CEP57: variants seen among roughly 807,000 people sequenced by gnomAD.
CEP57 encodes centrosomal protein of 57 kDa.
In CEP57, 40 loss-of-function variants were observed where a neutral mutation model predicts 68.0. The observed-to-expected ratio is 0.59, with a 90% confidence interval of 0.46 to 0.77. CEP57 has a LOEUF of 0.77. CEP57 is among the 30% of genes least tolerant of loss of function. CEP57 has a pLI of 0.00. For synonymous variants in CEP57, 219 were observed against 198.7 expected, an observed-to-expected ratio of 1.10 and a Z score of -0.86; for missense variants, 606 against 580.7, an observed-to-expected ratio of 1.04 and a Z score of -0.45.
chr11:95,821,212 G>GTT (rs1182532040), intron 6 of CEP57, among the ~76,000 whole-genome samples: 1 of 152,024 alleles, frequency 6.6e-6, no homozygotes, highest in Non-Finnish European at 1.5e-5. Context: ...GTTTTGTTTT[G>GTT]TTTTGTTTTT....
intron 2 of CEP57, among the ~76,000 whole-genome samples, chr11:95,806,720 G>A (rs1037832210): frequency 8.5e-5 from 13 of 152,210 alleles, no homozygotes; most frequent in Non-Finnish European, 1.9e-4. Flanking sequence ...ACAGCGGTCT[G>A]GAAGCTCAAA....
At chr11:95,801,289 C>T (rs543964626) in intron 2 of CEP57, among the ~76,000 whole-genome samples, 65 of 152,062 alleles carry the variant, frequency 4.3e-4, no homozygotes, top group African/African-American at 1.5e-3. Flanking sequence ...AATCACTAAC[C>T]TAGAAGCCTC....
At position 95,822,575 on chromosome 11, in the gene CEP57, A is replaced by ATC. The variant is rs751982189; in HGVS notation, c.884_885insTC (p.Lys295AsnfsTer11). ...GGTGATATGCCATTTGTAGCTGGGA[A>ATC]GGTGAGTTGGTCAAACTCCGGATTC... On this transcript the variant is annotated frameshift_variant and splice_region_variant, in exon 8 of 11. Transcript: ENST00000325542. LOFTEE classifies it high-confidence loss of function. 5 of 1,612,976 alleles carry ATC rather than the reference A, an allele frequency of 3.1e-6. No homozygotes were observed. The highest frequency in any genetic ancestry group is 4.2e-6 in the Non-Finnish European group (5 of 1,179,028).
At chr11:95,815,810 G>A (rs952709627) in intron 4 of CEP57, among the ~76,000 whole-genome samples, 5 of 152,094 alleles carry the variant, frequency 3.3e-5, no homozygotes, top group African/African-American at 1.2e-4. Context: ...TAAAATCACT[G>A]GTTCTGTTCC....
chr11:95,814,184 C>T (rs901651133), intron 4 of CEP57, among the ~76,000 whole-genome samples: 5 of 152,156 alleles, frequency 3.3e-5, no homozygotes. Flanking sequence ...TCCCGAGTAG[C>T]TGGGATTACA....
At chr11:95,794,584 GTTC>G (rs1235246611) in intron 1 of CEP57, among the ~76,000 whole-genome samples, 9 of 152,068 alleles carry the variant, frequency 5.9e-5, no homozygotes, top group South Asian at 2.1e-4. Flanking sequence ...GTGTGTGTGT[GTTC>G]TTCTGTGAAA....
intron 2 of CEP57, among the ~76,000 whole-genome samples, chr11:95,804,848 T>C (rs1861726708): frequency 6.6e-6 from 1 of 151,814 alleles, no homozygotes; most frequent in Non-Finnish European, 1.5e-5. Context: ...TACATCTAGA[T>C]GGTAAGATTA....
intron 2 of CEP57, among the ~76,000 whole-genome samples, chr11:95,805,976 C>A (rs1339400876): frequency 6.6e-6 from 1 of 152,102 alleles, no homozygotes; most frequent in Admixed American, 6.5e-5. Context: ...CAAAGTTTAT[C>A]TGATCTCGAG....
chr11:95,799,726 C>T (rs1431271563), intron 2 of CEP57, among the ~76,000 whole-genome samples: 2 of 152,120 alleles, frequency 1.3e-5, no homozygotes, highest in African/African-American at 2.4e-5. Flanking sequence ...TTGGTTCAGG[C>T]TTTCATCATC....
intron 1 of CEP57, among the ~76,000 whole-genome samples, chr11:95,792,401 G>T (rs1163153372): frequency 6.6e-6 from 1 of 152,160 alleles, no homozygotes; most frequent in Non-Finnish European, 1.5e-5. Context: ...AGGCTGAGGC[G>T]GGAGGATCAC....
Position 95,831,172 on chromosome 11 carries a change from AAGG to A in CEP57, c.1422_1424del (p.Arg475del), listed in dbSNP as rs2135384512. 1 of 1,613,576 alleles carries A rather than the reference AAGG, an allele frequency of 6.2e-7. No individual in the cohort carries two copies. Among genetic ancestry groups the A allele is most frequent in the Non-Finnish European group, 8.5e-7 (1 of 1,179,680 alleles). On this transcript the variant is annotated inframe_deletion, in exon 11 of 11. Coordinates refer to ENST00000325542, the MANE Select transcript of CEP57 (RefSeq NM_014679.5). ...TTATGAAACTGAGACCTGGAGAAAAAAGGAGAAAAAATCTTCAGTTATTGAAGG... is the reference window on the plus strand; with the variant it reads ...TTATGAAACTGAGACCTGGAGAAAAAAGAAAAAATCTTCAGTTATTGAAGG...
At chr11:95,816,940 G>A (rs1320643688) in intron 4 of CEP57, among the ~76,000 whole-genome samples, 1 of 151,730 alleles carries the variant, frequency 6.6e-6, no homozygotes, top group Non-Finnish European at 1.5e-5. Flanking sequence ...GAACCCAGGA[G>A]GCAGAGGTTG....
chr11:95,811,378 A>G (rs942263980), intron 2 of CEP57, among the ~76,000 whole-genome samples: 19 of 145,244 alleles, frequency 1.3e-4, no homozygotes, highest in African/African-American at 4.8e-4. Flanking sequence ...GGAATTGAAC[A>G]ATGAGAACAC....
At chr11:95,817,033 A>G (rs979126469) in intron 4 of CEP57, among the ~76,000 whole-genome samples, 1 of 151,726 alleles carries the variant, frequency 6.6e-6, no homozygotes, top group Admixed American at 6.6e-5. Flanking sequence ...AAGTCTATAT[A>G]GGAGGCAATC....
chr11:95,800,063 A>C lies in CEP57; in HGVS notation c.202+675A>C, dbSNP rs535354317. 5.3e-4 allele frequency among the ~76,000 whole-genome samples: 80 copies of C among 152,242 alleles called. No homozygotes were observed. The Middle Eastern group carries it at 0.01, about 19-fold the overall frequency. On this transcript the variant is annotated intron_variant, in intron 2 of 10. Coordinates refer to ENST00000325542, the MANE Select transcript of CEP57 (RefSeq NM_014679.5). ...CGCCTTAACAAATTGCCATGAACTT[A>C]GCTTTAAATATTTGTTATCTCAGTT...
chr11:95,809,495 C>T (rs1861955471), intron 2 of CEP57, among the ~76,000 whole-genome samples: 1 of 152,034 alleles, frequency 6.6e-6, no homozygotes, highest in Admixed American at 6.6e-5. Flanking sequence ...CAAATAGATG[C>T]AATAAAAAAT....
At chr11:95,815,976 TTC>T (rs1862279787) in intron 4 of CEP57, among the ~76,000 whole-genome samples, 1 of 152,178 alleles carries the variant, frequency 6.6e-6, no homozygotes. Context: ...TTGAGTTCCT[TTC>T]TCTTTTTTTT....
intron 1 of CEP57, chr11:95,794,219 A>G (rs1490768807): frequency 5.3e-5 from 24 of 451,992 alleles, no homozygotes; most frequent in South Asian, 3.4e-4. Context: ...TTTTTTTTCC[A>G]GACCAGAGGC....
chr11:95,818,856 C>T lies in CEP57; in HGVS notation c.651C>T (p.Leu217=), dbSNP rs200137467. The T allele has an allele frequency of 6.2e-7, 1 of 1,613,954 alleles. No individual in the cohort carries two copies. Among genetic ancestry groups the T allele is most frequent in the Non-Finnish European group, 8.5e-7 (1 of 1,179,924 alleles). The part of the protein sequence containing the change: ...EKKMQELEAK[L]HEEEQERKRM... ...AAATGCAAGAGTTGGAAGCAAAACT[C>T]CATGAAGAAGAACAGGAAAGGAAAC... Residue 217 remains leucine, a synonymous_variant, in exon 6 of 11, where the codon CTC becomes CTT. Coordinates refer to ENST00000325542, the MANE Select transcript of CEP57 (RefSeq NM_014679.5).
Sources: gnomAD v4.1 joint callset for allele counts (sites outside exome capture counted in the v4.1 genomes callset) on GRCh38, gnomAD v4.1.1 for gene constraint, MANE v1.5 for transcripts, NCBI Gene and HGNC (gene_info 2026-07-23, HGNC 2026-07-21) for gene names.